ALCAM: variants seen among roughly 807,000 people sequenced by gnomAD.
The protein encoded by ALCAM is activated leukocyte cell adhesion molecule.
In ALCAM, 30 loss-of-function variants were observed where a neutral mutation model predicts 70.9. The observed-to-expected ratio is 0.42, with a 90% CI of 0.32 to 0.57. The LOEUF (loss-of-function observed/expected upper bound fraction) is 0.57. ALCAM is among the 20% of genes least tolerant of loss of function. The pLI is 0.11. For missense variants in ALCAM, 591 were observed against 695.1 expected, an observed-to-expected ratio of 0.85 and a Z score of 1.68; for synonymous variants, 249 against 242.5, an observed-to-expected ratio of 1.03 and a Z score of -0.25.
intron 1 of ALCAM, among the ~76,000 whole-genome samples, chr3:105,477,330 A>T (rs1196582458): frequency 1.3e-5 from 2 of 152,094 alleles, no homozygotes; most frequent in African/African-American, 4.8e-5. Flanking sequence ...ATTTCTAGTA[A>T]TATAGGTCTA....
At chr3:105,538,885 G>A (rs1472652920) in intron 6 of ALCAM, among the ~76,000 whole-genome samples, 1 of 152,080 alleles carries the variant, frequency 6.6e-6, no homozygotes, top group African/African-American at 2.4e-5. Context: ...CAAGCATAGA[G>A]AAAAGGCAAA....
intron 1 of ALCAM, among the ~76,000 whole-genome samples, chr3:105,516,579 T>G (rs1939383854): frequency 6.6e-6 from 1 of 152,138 alleles, no homozygotes; most frequent in Non-Finnish European, 1.5e-5. Context: ...AACCTTTTAT[T>G]TAAAAATGCC....
At chr3:105,525,760 C>T (rs1003462479) in intron 3 of ALCAM, among the ~76,000 whole-genome samples, 2 of 152,150 alleles carry the variant, frequency 1.3e-5, no homozygotes, top group African/African-American at 4.8e-5. Flanking sequence ...CCTTTGTTCC[C>T]TAGAAGAACC....
In ALCAM at chr3:105,552,582, C is replaced by A; in HGVS notation, c.1661C>A (p.Ser554Ter). The A allele has an allele frequency of 6.2e-7, 1 of 1,611,182 alleles. No individual in the cohort carries two copies. The highest frequency in any genetic ancestry group is 1.1e-5 in the South Asian group (1 of 90,988). ...GVVYWLYMKK[S>*]KTASKHVNKD... ...GTCTACTGGCTGTACATGAAGAAGTCAAAGTGAGTTGTGGAAAAAAGATCT... is the reference window on the plus strand; with the variant it reads ...GTCTACTGGCTGTACATGAAGAAGTAAAAGTGAGTTGTGGAAAAAAGATCT... The change falls in exon 14 of 16, where the codon TCA becomes TAA. Residue 554 changes from serine (S) to a stop codon, truncating the protein, a stop_gained. Transcript: ENST00000306107. LOFTEE classifies it high-confidence loss of function.
chr3:105,400,107 G>A (rs1038710191), intron 1 of ALCAM, among the ~76,000 whole-genome samples: 1 of 152,050 alleles, frequency 6.6e-6, no homozygotes, highest in Non-Finnish European at 1.5e-5. Flanking sequence ...GGTTAACTAC[G>A]TTGTCCTGTT....
chr3:105,420,306 C>A (rs1294568703), intron 1 of ALCAM, among the ~76,000 whole-genome samples: 4 of 151,376 alleles, frequency 2.6e-5, no homozygotes, highest in Non-Finnish European at 5.9e-5. Flanking sequence ...TAGAATTCTG[C>A]AAATGAAATA....
At chr3:105,399,540 A>C (rs757925683) in intron 1 of ALCAM, among the ~76,000 whole-genome samples, 1 of 152,158 alleles carries the variant, frequency 6.6e-6, no homozygotes, top group East Asian at 1.9e-4. Context: ...TATTAGGCCT[A>C]GATTTATTGT....
chr3:105,557,874 T>G (rs938938982), intron 14 of ALCAM, among the ~76,000 whole-genome samples: 18 of 152,196 alleles, frequency 1.2e-4, no homozygotes, highest in African/African-American at 4.3e-4. Context: ...GGAATTTCTT[T>G]GTAGAGTCTT....
intron 1 of ALCAM, among the ~76,000 whole-genome samples, chr3:105,391,186 C>T (rs747883937): frequency 2.0e-5 from 3 of 151,948 alleles, no homozygotes; most frequent in African/African-American, 4.8e-5. Flanking sequence ...TTACTTTGGG[C>T]GGTATGGCCA....
intron 1 of ALCAM, among the ~76,000 whole-genome samples, chr3:105,489,546 T>A (rs900251177): frequency 2.6e-5 from 4 of 152,222 alleles, no homozygotes; most frequent in Admixed American, 1.3e-4. Flanking sequence ...ATATTCAACA[T>A]ATTATCAAGT....
At chr3:105,504,077 G>A (rs553563299) in intron 1 of ALCAM, among the ~76,000 whole-genome samples, 2 of 152,262 alleles carry the variant, frequency 1.3e-5, no homozygotes, top group South Asian at 4.1e-4. Context: ...TATTAATTTA[G>A]TATATTCATG....
At chr3:105,383,866 C>CA (rs1472442959) in intron 1 of ALCAM, among the ~76,000 whole-genome samples, 1 of 151,636 alleles carries the variant, frequency 6.6e-6, no homozygotes, top group Non-Finnish European at 1.5e-5. Flanking sequence ...GACATACATT[C>CA]AAAATAGAAG....
At chr3:105,547,765 C>A (rs919358692) in intron 11 of ALCAM, among the ~76,000 whole-genome samples, 2 of 151,326 alleles carry the variant, frequency 1.3e-5, no homozygotes, top group Non-Finnish European at 3.0e-5. Context: ...AGGGAAGAAC[C>A]ATTGTGTCAT....
chr3:105,398,390 T>A lies in ALCAM; in HGVS notation c.73+30909T>A, dbSNP rs115829317. On this transcript the variant is annotated intron_variant, in intron 1 of 15. Coordinates refer to ENST00000306107, the MANE Select transcript of ALCAM (RefSeq NM_001627.4). ...AGTTGCTTCTTAAATTACTGAGAAA[T>A]TTACGAGGTCAAGTAAATATAATTT... 8.1e-3 allele frequency among the ~76,000 whole-genome samples: 1,229 copies of A among 152,198 alleles called. 11 individuals carry two copies. Among genetic ancestry groups the A allele is most frequent in the African/African-American group, 0.027 (1,125 of 41,532 alleles).
At position 105,454,602 on chromosome 3, in the gene ALCAM, TA is replaced by T. The variant is rs1576173732; in HGVS notation, c.74-65464del. ...TACAAATAAGTTCTTCAACATTGTTTATTTCTCAATAGCACCTAGAACAGTA... is the reference window on the plus strand; with the variant it reads ...TACAAATAAGTTCTTCAACATTGTTTTTTCTCAATAGCACCTAGAACAGTA... On this transcript the variant is annotated intron_variant, in intron 1 of 15. Transcript: ENST00000306107. Among the ~76,000 whole-genome samples the T allele has an allele frequency of 2.0e-5, 3 of 151,960 alleles. No individual in the cohort carries two copies. The East Asian group carries it at 5.8e-4, about 29-fold the overall frequency.
intron 1 of ALCAM, among the ~76,000 whole-genome samples, chr3:105,399,639 T>C (rs1275335141): frequency 6.6e-6 from 1 of 152,176 alleles, no homozygotes. Context: ...CTGTAACTAA[T>C]GCTAATTTCA....
intron 1 of ALCAM, among the ~76,000 whole-genome samples, chr3:105,436,474 C>T (rs1937052259): frequency 1.3e-5 from 2 of 151,936 alleles, no homozygotes; most frequent in African/African-American, 4.8e-5. Flanking sequence ...ACTATAGGTG[C>T]CTGCCACCAC....
At chr3:105,533,774 G>C in intron 5 of ALCAM, 84 bp downstream of exon 5, 1 of 1,310,234 alleles carries the variant, frequency 7.6e-7, no homozygotes, top group Non-Finnish European at 1.1e-6. Flanking sequence ...TTAAACCAGT[G>C]GTCTCCAACC....
At chr3:105,429,792 CTT>C (rs1346867621) in intron 1 of ALCAM, among the ~76,000 whole-genome samples, 2 of 151,840 alleles carry the variant, frequency 1.3e-5, no homozygotes, top group Non-Finnish European at 2.9e-5. Flanking sequence ...ACCTACAAAA[CTT>C]ATGTTTAAAA....
Sources: gnomAD v4.1 joint callset for allele counts (sites outside exome capture counted in the v4.1 genomes callset) on GRCh38, gnomAD v4.1.1 for gene constraint, MANE v1.5 for transcripts, NCBI Gene and HGNC (gene_info 2026-07-23, HGNC 2026-07-21) for gene names.